The following RNASE4 variants were observed in gnomAD, a reference collection of about 807,000 sequenced individuals.
RNASE4 encodes the protein ribonuclease A family member 4.
For missense variants in RNASE4, 194 were observed against 192.8 expected (o/e 1.01, Z -0.04); for synonymous variants, 93 against 71.4 (o/e 1.30, Z -1.52).
intron 1 of RNASE4, among the ~76,000 whole-genome samples, chr14:20,696,866 T>G (rs144859809): frequency 0.024 from 3,598 of 152,322 alleles, 60 homozygotes; most frequent in Non-Finnish European, 0.033. Context: ...ATTTTGCTTA[T>G]GAGGAAATCT....
intron 1 of RNASE4, among the ~76,000 whole-genome samples, chr14:20,688,463 G>A (rs2139003957): frequency 6.6e-6 from 1 of 152,298 alleles, no homozygotes; most frequent in Middle Eastern, 3.4e-3. Flanking sequence ...GGAGATCAGA[G>A]ATGCTATCTT....
chr14:20,698,386 A>C (rs574812729), intron 1 of RNASE4, among the ~76,000 whole-genome samples: 4 of 152,230 alleles, frequency 2.6e-5, no homozygotes, highest in South Asian at 2.1e-4. Flanking sequence ...AAGGAGAAGA[A>C]GACACAATCC....
chr14:20,687,121 GTGA>G (rs879671724), intron 1 of RNASE4, among the ~76,000 whole-genome samples: 1 of 152,210 alleles, frequency 6.6e-6, no homozygotes, highest in Non-Finnish European at 1.5e-5. Flanking sequence ...TGACAAAGAT[GTGA>G]TGTTCCTTAA....
chr14:20,693,696 C>T lies in RNASE4; in HGVS notation c.-17-5659C>T, dbSNP rs147701713. On this transcript the variant is annotated intron_variant, in intron 1 of 1. Coordinates refer to ENST00000555835, the MANE Select transcript of RNASE4 (RefSeq NM_002937.5). ...AGCACTATGATGCCAAACCACAGGGCCGGGATGACAGATACTGTGAAAGCA... is the reference window on the plus strand; with the variant it reads ...AGCACTATGATGCCAAACCACAGGGTCGGGATGACAGATACTGTGAAAGCA... The T allele has an allele frequency of 1.7e-4, 274 of 1,614,140 alleles. No homozygotes were observed. The highest frequency in any genetic ancestry group is 5.4e-4 in the South Asian group (49 of 91,086).
intron 1 of RNASE4, among the ~76,000 whole-genome samples, chr14:20,695,561 C>T (rs1180985858): frequency 6.6e-6 from 1 of 152,190 alleles, no homozygotes. Flanking sequence ...TAACTAATTT[C>T]TGTTGACAGG....
At chr14:20,689,328 G>A (rs1440841672) in intron 1 of RNASE4, among the ~76,000 whole-genome samples, 1 of 152,230 alleles carries the variant, frequency 6.6e-6, no homozygotes, top group East Asian at 1.9e-4. Context: ...AAGATCAAAA[G>A]AAGGCTCACT....
At position 20,686,039 on chromosome 14, in the gene RNASE4, TA is replaced by T. The variant is rs11378368; in HGVS notation, c.-18+1301del. ...TGGGTGACAGAGCAAGACTCCGTCT[TA>T]AAAAAAAAAAAAAAAAAAATTGTGT... is the stretch of plus-strand genomic sequence containing the variant. On this transcript the variant is annotated intron_variant, in intron 1 of 1. Coordinates refer to ENST00000555835, the MANE Select transcript of RNASE4 (RefSeq NM_002937.5). Among the ~76,000 whole-genome samples, 1,297 of 137,928 alleles carry T rather than the reference TA, an allele frequency of 9.4e-3. 19 individuals carry two copies. The highest frequency in any genetic ancestry group is 0.023 in the African/African-American group (845 of 36,712). The allele number at this position is 137,928 out of a possible 152,430, so 90.5% of individuals were successfully genotyped here.
chr14:20,699,028 A>C, intron 1 of RNASE4: 1 of 194,346 alleles, frequency 5.1e-6, no homozygotes. Flanking sequence ...AGTTTCATGT[A>C]GGTTCACCTT....
At chr14:20,690,215 C>G (rs1281695944) in intron 1 of RNASE4, among the ~76,000 whole-genome samples, 35 of 83,936 alleles carry the variant, frequency 4.2e-4, no homozygotes, top group African/African-American at 1.8e-3. Flanking sequence ...GAGCGAGACT[C>G]CGTCTCAAAA....
At position 20,699,920 on chromosome 14, in the gene RNASE4, A is replaced by G. The variant is rs1405376112; in HGVS notation, c.*105A>G. On this transcript the variant is annotated 3_prime_UTR_variant, in exon 2 of 2. Transcript: ENST00000555835. ...GTCCCAGGCTCTGTCTCCTCAGCTC[A>G]TTTCCTACTCTTTTTCTCTATATAA... 3.2e-6 allele frequency: 3 copies of G among 939,944 alleles called. No individual in the cohort carries two copies. The African/African-American group carries it at 4.9e-5, about 15-fold the overall frequency. 58.2% of individuals were successfully genotyped at this position (939,944 alleles called of 1,614,324 possible).
At chr14:20,686,220 G>A (rs1257858791) in intron 1 of RNASE4, among the ~76,000 whole-genome samples, 1 of 152,124 alleles carries the variant, frequency 6.6e-6, no homozygotes, top group East Asian at 1.9e-4. Context: ...CCATGGAGTG[G>A]TACGATGTTA....
Position 20,690,239 on chromosome 14 carries a change from A to G in RNASE4, c.-18+5481A>G, listed in dbSNP as rs867104409. ...TCCGTCTCAAAAAAAAAAAAAAAAA[A>G]AAAAAAAAAGAAAAGAAAAGAAAAA... On this transcript the variant is annotated intron_variant, in intron 1 of 1. Coordinates refer to ENST00000555835, the MANE Select transcript of RNASE4 (RefSeq NM_002937.5). 5.0e-3 allele frequency among the ~76,000 whole-genome samples: 742 copies of G among 149,846 alleles called. 10 individuals are homozygous for G. The highest frequency in any genetic ancestry group is 0.017 in the African/African-American group (701 of 40,562).
chr14:20,689,388 C>A (rs1232465493), intron 1 of RNASE4, among the ~76,000 whole-genome samples: 1 of 152,134 alleles, frequency 6.6e-6, no homozygotes, highest in Non-Finnish European at 1.5e-5. Flanking sequence ...GATGAATATG[C>A]CTTGGGTGTT....
chr14:20,689,153 A>G (rs1474615967), intron 1 of RNASE4, among the ~76,000 whole-genome samples: 1 of 152,252 alleles, frequency 6.6e-6, no homozygotes, highest in Non-Finnish European at 1.5e-5. Context: ...GCTGAAGGCC[A>G]TCGGGAGTCC....
intron 1 of RNASE4, among the ~76,000 whole-genome samples, chr14:20,685,852 C>T (rs889135655): frequency 6.6e-6 from 1 of 151,854 alleles, no homozygotes; most frequent in African/African-American, 2.4e-5. Flanking sequence ...CCAGCCTGGC[C>T]AAGATGGTGA....
At chr14:20,694,209 G>T in intron 1 of RNASE4, 1 of 653,670 alleles carries the variant, frequency 1.5e-6, no homozygotes, top group Non-Finnish European at 2.7e-6. Context: ...CACTGATTCT[G>T]GGCATATTGA....
intron 1 of RNASE4, among the ~76,000 whole-genome samples, chr14:20,696,606 A>G (rs1887100728): frequency 6.6e-6 from 1 of 152,162 alleles, no homozygotes; most frequent in Admixed American, 6.5e-5. Context: ...ACAGACTTCC[A>G]ATATCTTGAG....
intron 1 of RNASE4, chr14:20,699,105 T>C: frequency 2.4e-6 from 1 of 419,540 alleles, no homozygotes; most frequent in Non-Finnish European, 4.3e-6. Context: ...CCCTGTGTCA[T>C]TGTACTGGCC....
intron 1 of RNASE4, chr14:20,694,218 G>T: frequency 1.6e-6 from 1 of 611,038 alleles, no homozygotes; most frequent in Non-Finnish European, 2.9e-6. Flanking sequence ...TGGGCATATT[G>T]ATCTTTCCCC....
Sources: gnomAD v4.1 joint callset for allele counts (sites outside exome capture counted in the v4.1 genomes callset) on GRCh38, gnomAD v4.1.1 for gene constraint, MANE v1.5 for transcripts, NCBI Gene and HGNC (gene_info 2026-07-23, HGNC 2026-07-21) for gene names.